The following PFKFB1 variants were observed in gnomAD, a reference collection of about 807,000 sequenced individuals.
The protein encoded by PFKFB1 is 6-phosphofructo-2-kinase/fructose-2,6-biphosphatase 1, also known as 6-phosphofructo-2-kinase/fructose-2,6-bisphosphatase 1.
In PFKFB1, 34 loss-of-function variants were observed where a neutral mutation model predicts 46.4. The observed-to-expected ratio is 0.73, with a 90% CI of 0.56 to 0.98. The LOEUF (loss-of-function observed/expected upper bound fraction) is 0.98. Among genes scored for constraint, PFKFB1 ranks in the 50% least tolerant of loss-of-function variants. PFKFB1 has a pLI of 0.00. For missense variants in PFKFB1, 393 were observed against 376.3 expected, an observed-to-expected ratio of 1.04 and a Z score of -0.37; for synonymous variants, 119 against 133.8, an observed-to-expected ratio of 0.89 and a Z score of 0.76.
At chrX:54,970,448 C>T (rs1186409623) in intron 1 of PFKFB1, among the ~76,000 whole-genome samples, 1 of 101,299 alleles carries the variant, frequency 9.9e-6, no homozygotes, top group Non-Finnish European at 2.0e-5. Flanking sequence ...AACTCGTCAT[C>T]TATCATTAGG....
chrX:54,989,702 T>C (rs1602229390), intron 1 of PFKFB1, among the ~76,000 whole-genome samples: 1 of 112,177 alleles, frequency 8.9e-6, no homozygotes, highest in Admixed American at 9.5e-5. Flanking sequence ...TTCAAAGAAC[T>C]GAAATAATAC....
At chrX:54,965,554 T>A in intron 1 of PFKFB1, among the ~76,000 whole-genome samples, 1 of 111,495 alleles carries the variant, frequency 9.0e-6, no homozygotes, top group Non-Finnish European at 1.9e-5. Flanking sequence ...AGTCTAAATA[T>A]TAAAGGAAAT....
chrX:54,955,471 G>A (rs986276494), intron 7 of PFKFB1, among the ~76,000 whole-genome samples: 5 of 107,963 alleles, frequency 4.6e-5, no homozygotes, highest in Non-Finnish European at 9.4e-5. Context: ...TATGATGACA[G>A]AACATTTCTT....
intron 1 of PFKFB1, among the ~76,000 whole-genome samples, chrX:54,975,541 C>G (rs915226580): frequency 1.8e-5 from 2 of 110,847 alleles, no homozygotes; most frequent in Admixed American, 1.9e-4. Flanking sequence ...GTACACTGCT[C>G]AGGTGACGGA....
In PFKFB1 at chrX:54,959,884, G is replaced by A; in HGVS notation, c.327C>T (p.Ala109=). ...MEALQIRKQC[A]LAALKDVHNY... ...TGTGAACATCCTTCAGGGCTGCCAG[G>A]GCGCACTGCCTGAAATAGACCAGGA... The change falls in exon 4 of 14, where the codon GCC becomes GCT. Residue 109 remains alanine (A), a synonymous_variant. Coordinates refer to ENST00000375006, the MANE Select transcript of PFKFB1 (RefSeq NM_002625.4). The A allele has an allele frequency of 1.7e-6, 2 of 1,199,334 alleles. No homozygotes were observed. Among genetic ancestry groups the A allele is most frequent in the Non-Finnish European group, 2.3e-6 (2 of 885,135 alleles).
chrX:54,933,153 C>T lies in PFKFB1; in HGVS notation c.*250G>A. 1 of 393,856 alleles carries T rather than the reference C, an allele frequency of 2.5e-6. No homozygotes were observed. The highest frequency in any genetic ancestry group is 4.4e-6 in the Non-Finnish European group (1 of 225,373). The allele number at this position is 393,856 out of a possible 1,213,427, so 32.5% of individuals were successfully genotyped here. The stretch of plus-strand genomic sequence containing the variant: ...GGAAAAGCCTCGCCATGACCTCCTC[C>T]TCTCCTCTTGTAGGCAGTAAGTCTT... On this transcript the variant is annotated 3_prime_UTR_variant, in exon 14 of 14. Coordinates refer to ENST00000375006, the MANE Select transcript of PFKFB1 (RefSeq NM_002625.4).
intron 1 of PFKFB1, among the ~76,000 whole-genome samples, chrX:54,990,589 T>C (rs1015483723): frequency 3.6e-5 from 4 of 111,625 alleles, no homozygotes; most frequent in African/African-American, 1.3e-4. Context: ...AATGGCTAGT[T>C]CTGCAGACAA....
At chrX:54,937,519 G>C (rs1043391607) in intron 11 of PFKFB1, 76 bp downstream of exon 11, 5 of 963,296 alleles carry the variant, frequency 5.2e-6, no homozygotes, top group Non-Finnish European at 4.4e-6. Context: ...TAACTACTAA[G>C]ATATAGATAT....
chrX:54,979,058 G>A (rs1934906907), intron 1 of PFKFB1, among the ~76,000 whole-genome samples: 1 of 111,963 alleles, frequency 8.9e-6, no homozygotes, highest in Non-Finnish European at 1.9e-5. Flanking sequence ...ACTTACCCAT[G>A]TTAATTTATT....
chrX:54,990,189 T>C (rs1017962749), intron 1 of PFKFB1, among the ~76,000 whole-genome samples: 1 of 110,114 alleles, frequency 9.1e-6, no homozygotes, highest in African/African-American at 3.3e-5. Context: ...AATAGTTAAA[T>C]AGAAAATAAA....
intron 10 of PFKFB1, among the ~76,000 whole-genome samples, chrX:54,938,711 C>T (rs1031269636): frequency 9.0e-6 from 1 of 111,606 alleles, no homozygotes; most frequent in African/African-American, 3.3e-5. Flanking sequence ...TATATATGCA[C>T]CCAATACAGG....
Position 54,963,427 on chromosome X carries a change from G to C in PFKFB1, c.98-45C>G, listed in dbSNP as rs757305348. 6 of 1,176,842 alleles carry C rather than the reference G, an allele frequency of 5.1e-6. No homozygotes were observed. The African/African-American group carries it at 1.1e-4, about 21-fold the overall frequency. On this transcript the variant is annotated intron_variant, in intron 1 of 13. Coordinates refer to ENST00000375006, the MANE Select transcript of PFKFB1 (RefSeq NM_002625.4). ...TCAAAAGCTTATCCTCAGATTCATA[G>C]GCTCTTCTGGTATTAGGCCAGAAAT... is the stretch of plus-strand genomic sequence containing the variant.
intron 8 of PFKFB1, among the ~76,000 whole-genome samples, chrX:54,950,171 C>T (rs776512318): frequency 3.5e-5 from 4 of 112,699 alleles, no homozygotes; most frequent in Non-Finnish European, 3.8e-5. Flanking sequence ...TCCAGGCACA[C>T]ATTTCTATAT....
At chrX:54,956,522 C>A (rs112699713) in intron 6 of PFKFB1, among the ~76,000 whole-genome samples, 1 of 111,475 alleles carries the variant, frequency 9.0e-6, no homozygotes, top group Non-Finnish European at 1.9e-5. Flanking sequence ...AGAATACACT[C>A]CTTATAAAAG....
At chrX:54,996,418 T>C (rs1278601162), upstream of PFKFB1, among the ~76,000 whole-genome samples, 2 of 112,193 alleles carry the variant, frequency 1.8e-5, no homozygotes, top group African/African-American at 6.5e-5. Context: ...AACATCTCTT[T>C]TATGTTTACA....
intron 1 of PFKFB1, among the ~76,000 whole-genome samples, chrX:54,978,439 C>T (rs1934892673): frequency 9.0e-6 from 1 of 111,609 alleles, no homozygotes; most frequent in African/African-American, 3.2e-5. Context: ...GCACAATCCA[C>T]TGATTCATGC....
intron 1 of PFKFB1, among the ~76,000 whole-genome samples, chrX:54,969,399 G>A (rs2146651043): frequency 9.0e-6 from 1 of 111,713 alleles, no homozygotes; most frequent in South Asian, 3.8e-4. Flanking sequence ...ACAATGGGAT[G>A]ATGCAGCAAG....
chrX:54,997,915 C>T (rs1396727228), upstream of PFKFB1, among the ~76,000 whole-genome samples: 1 of 112,267 alleles, frequency 8.9e-6, no homozygotes, highest in Middle Eastern at 4.2e-3. Flanking sequence ...CGAGGAAGTC[C>T]TGAAATGTCT....
intron 1 of PFKFB1, among the ~76,000 whole-genome samples, chrX:54,967,197 T>C (rs1024411115): frequency 8.9e-6 from 1 of 111,813 alleles, no homozygotes; most frequent in Non-Finnish European, 1.9e-5. Flanking sequence ...CTACAATTAA[T>C]CAGCATGCAA....
Sources: allele counts gnomAD v4.1 joint callset (sites outside exome capture counted in the v4.1 genomes callset), GRCh38; gene constraint gnomAD v4.1.1; transcripts MANE v1.5; gene names NCBI Gene and HGNC (gene_info 2026-07-23, HGNC 2026-07-21).